Variants in RARB observed in about 807,000 individuals in gnomAD.
The protein encoded by RARB is retinoic acid receptor beta, also known as HBV-activated protein.
A neutral mutation model predicts 51.9 loss-of-function variants in RARB; 17 were observed. The observed-to-expected ratio is 0.33, with a 90% confidence interval of 0.22 to 0.49. The LOEUF (loss-of-function observed/expected upper bound fraction) is 0.49, where lower values mean the gene tolerates loss of function less well. Among genes scored for constraint, RARB ranks in the 20% least tolerant of loss-of-function variants. The pLI, the probability that RARB is intolerant of heterozygous loss-of-function variation, is 0.99. For synonymous variants in RARB, 215 were observed against 195.4 expected (o/e 1.10, Z -0.84); for missense variants, 369 against 550.8 (o/e 0.67, Z 3.30).
At chr3:25,047,543 C>T (rs1246169285) in intron 2 of RARB, among the ~76,000 whole-genome samples, 1 of 152,196 alleles carries the variant, frequency 6.6e-6, no homozygotes, top group Admixed American at 6.5e-5. Flanking sequence ...CACGGTGTTG[C>T]ATAGTAACTA....
chr3:24,852,515 C>T (rs1702573214), intron 1 of RARB, among the ~76,000 whole-genome samples: 1 of 152,024 alleles, frequency 6.6e-6, no homozygotes, highest in African/African-American at 2.4e-5. Flanking sequence ...TAGGAATCTA[C>T]CCAAGGAAAA....
At chr3:24,879,346 G>A (rs1026077488) in intron 2 of RARB, among the ~76,000 whole-genome samples, 13 of 151,902 alleles carry the variant, frequency 8.6e-5, no homozygotes, top group South Asian at 2.1e-4. Context: ...GGAGAATGGC[G>A]TGAACCCGGG....
intron 3 of RARB, among the ~76,000 whole-genome samples, chr3:25,539,906 A>G (rs1699306407): frequency 6.6e-6 from 1 of 151,890 alleles, no homozygotes; most frequent in South Asian, 2.1e-4. Context: ...TTATATATGA[A>G]TTTTTTTCAA....
intron 2 of RARB, among the ~76,000 whole-genome samples, chr3:24,971,062 G>A (rs1175818674): frequency 6.6e-6 from 1 of 151,884 alleles, no homozygotes. Flanking sequence ...ATGCAGTACA[G>A]GAGACATGGA....
At chr3:25,111,000 G>A (rs772570248) in intron 3 of RARB, among the ~76,000 whole-genome samples, 5 of 152,144 alleles carry the variant, frequency 3.3e-5, no homozygotes, top group African/African-American at 1.2e-4. Flanking sequence ...AAGAACAGTG[G>A]GAATAGGGAG....
chr3:25,243,489 A>G (rs1702481465), intron 5 of RARB, among the ~76,000 whole-genome samples: 1 of 152,128 alleles, frequency 6.6e-6, no homozygotes, highest in Non-Finnish European at 1.5e-5. Flanking sequence ...TTTCATTAAT[A>G]CCTAGTTTAT....
upstream of RARB, among the ~76,000 whole-genome samples, chr3:25,426,241 G>C (rs905273988): frequency 1.3e-5 from 2 of 152,132 alleles, no homozygotes; most frequent in Admixed American, 1.3e-4. Context: ...TTTCTTTGTA[G>C]TTAAAGGGTT....
chr3:25,588,082 G>A (rs1022643096), intron 5 of RARB, among the ~76,000 whole-genome samples: 4 of 152,214 alleles, frequency 2.6e-5, no homozygotes, highest in Admixed American at 2.6e-4. Context: ...TCATATTCTA[G>A]AAGGGAGATA....
chr3:25,172,394 A>C (rs987425560), intron 4 of RARB, among the ~76,000 whole-genome samples: 3 of 152,082 alleles, frequency 2.0e-5, no homozygotes, highest in Non-Finnish European at 4.4e-5. Context: ...ACTGAGACCT[A>C]CTCTTCTCAT....
intron 1 of RARB, among the ~76,000 whole-genome samples, chr3:24,832,039 A>G (rs2125326201): frequency 6.6e-6 from 1 of 152,336 alleles, no homozygotes; most frequent in Non-Finnish European, 1.5e-5. Context: ...GACAATCATC[A>G]GAGTTCACAC....
At chr3:25,073,351 A>G (rs1415926414) in intron 3 of RARB, among the ~76,000 whole-genome samples, 1 of 152,200 alleles carries the variant, frequency 6.6e-6, no homozygotes, top group Non-Finnish European at 1.5e-5. Flanking sequence ...TTAAAACACA[A>G]ATTCAATGCA....
rs568547589 is a variant in RARB at position 24,913,152 on chromosome 3, G to C, written c.-380+54400G>C. Among the ~76,000 whole-genome samples the C allele has an allele frequency of 4.0e-5, 6 of 151,000 alleles. No homozygotes were observed. In the South Asian group the frequency reaches 1.3e-3, roughly 32 times the overall value. On this transcript the variant is annotated intron_variant, in intron 2 of 11. Coordinates refer to the RARB transcript ENST00000383772. ...CCCGCCACCACGCCCGGCTAATTTT[G>C]TTTTTGTATTTTTAGTAGAGACGGG...
At chr3:25,394,466 T>A (rs1707060438) in intron 5 of RARB, among the ~76,000 whole-genome samples, 1 of 152,276 alleles carries the variant, frequency 6.6e-6, no homozygotes, top group African/African-American at 2.4e-5. Context: ...ACTTTCTGTG[T>A]TGATGACCTA....
At chr3:25,037,494 A>G (rs1048320336) in intron 2 of RARB, among the ~76,000 whole-genome samples, 1 of 152,114 alleles carries the variant, frequency 6.6e-6, no homozygotes, top group African/African-American at 2.4e-5. Context: ...CTATCCCTAC[A>G]CAGAAACTAA....
In RARB at chr3:25,386,277, C is replaced by T. The variant is rs566418439; in HGVS notation, c.179-74916C>T. ...GAAAGGGAAGGGTGGGGAAAGGGAA[C>T]AACCTCTCAAAGGCATAGAGGCTGG... On this transcript the variant is annotated intron_variant, in intron 5 of 11. Coordinates refer to the RARB transcript ENST00000383772. Among the ~76,000 whole-genome samples the T allele has an allele frequency of 2.0e-5, 3 of 152,046 alleles. No homozygotes were observed. In the South Asian group the frequency reaches 6.3e-4, roughly 32 times the overall value.
chr3:25,106,827 T>C (rs1473995053), intron 3 of RARB, among the ~76,000 whole-genome samples: 1 of 152,084 alleles, frequency 6.6e-6, no homozygotes, highest in Non-Finnish European at 1.5e-5. Context: ...TTCAGCGGGT[T>C]GCTGGAGCTA....
At chr3:25,343,403 G>T (rs1705292434) in intron 5 of RARB, among the ~76,000 whole-genome samples, 1 of 151,262 alleles carries the variant, frequency 6.6e-6, no homozygotes, top group Non-Finnish European at 1.5e-5. Context: ...AAAAAGAAGA[G>T]ATGTAATTGA....
intron 5 of RARB, among the ~76,000 whole-genome samples, chr3:25,384,088 C>A (rs78963521): frequency 0.019 from 2,945 of 152,172 alleles, 90 homozygotes; most frequent in African/African-American, 0.063. Context: ...CTTCTGTCCC[C>A]TTAACTTCTT....
At chr3:24,970,060 G>A (rs1294844399) in intron 2 of RARB, among the ~76,000 whole-genome samples, 1 of 151,944 alleles carries the variant, frequency 6.6e-6, no homozygotes, top group Admixed American at 6.6e-5. Context: ...AGGCTGTGTG[G>A]GCTATAAGGT....
Sources: gnomAD v4.1 joint callset for allele counts (sites outside exome capture counted in the v4.1 genomes callset) on GRCh38, gnomAD v4.1.1 for gene constraint, MANE v1.5 for transcripts, NCBI Gene and HGNC (gene_info 2026-07-23, HGNC 2026-07-21) for gene names.